The following GAK variants were observed in gnomAD, a reference collection of about 807,000 sequenced individuals.
GAK encodes cyclin G associated kinase, also known as cyclin-G-associated kinase.
GAK carries 79 observed loss-of-function variants against 143.9 expected under a neutral mutation model. The observed-to-expected ratio is 0.55, with a 90% CI of 0.46 to 0.66. The LOEUF is 0.66. Ranked by LOEUF, GAK falls within the 30% of genes least tolerant of loss-of-function variation. The probability of loss-of-function intolerance (pLI) is 0.00; values close to 1 mark genes in which losing one functional copy is unlikely to be tolerated. For synonymous variants in GAK, 881 were observed against 765.5 expected (o/e 1.15, Z -2.49); for missense variants, 1,693 against 1,779.7 (o/e 0.95, Z 0.88).
intron 1 of GAK, among the ~76,000 whole-genome samples, chr4:926,925 G>C (rs781653977): frequency 0.18 from 1,509 of 8,196 alleles, 320 homozygotes; most frequent in Middle Eastern, 0.5. Flanking sequence ...CACCCCTCCC[G>C]GCTCACCAGC....
chr4:898,600 G>A (rs1459601215), intron 5 of GAK, among the ~76,000 whole-genome samples: 7 of 152,228 alleles, frequency 4.6e-5, no homozygotes, highest in African/African-American at 1.2e-4. Context: ...GGTGGCTCAC[G>A]CCTGTAATCC....
At chr4:924,289 G>A (rs1040471685) in intron 1 of GAK, among the ~76,000 whole-genome samples, 5 of 151,754 alleles carry the variant, frequency 3.3e-5, no homozygotes, top group African/African-American at 1.2e-4. Context: ...ATCAAAATGA[G>A]AGACCACAAG....
At chr4:885,582 G>A (rs944907761) in intron 11 of GAK, among the ~76,000 whole-genome samples, 4 of 152,288 alleles carry the variant, frequency 2.6e-5, no homozygotes, top group African/African-American at 7.2e-5. Flanking sequence ...GTGTGTGTGT[G>A]CTAGGGCTGC....
At chr4:918,683 CA>C (rs1723425418) in intron 1 of GAK, among the ~76,000 whole-genome samples, 2 of 152,048 alleles carry the variant, frequency 1.3e-5, no homozygotes, top group South Asian at 4.1e-4. Context: ...ATATTAAACA[CA>C]AAAAAAAGGA....
chr4:856,372 T>TCACCACAGCTGCTCACACCTGCTCAC (rs1749194637), intron 24 of GAK, among the ~76,000 whole-genome samples: 4 of 79,546 alleles, frequency 5.0e-5, no homozygotes, highest in Non-Finnish European at 1.1e-4. Flanking sequence ...CCACAGCTGC[T>TCACCACAGCTGCTCACACCTGCTCAC]CACCACAGCT....
Position 882,906 on chromosome 4 carries a change from C to CG in GAK, c.1405-88dup, listed in dbSNP as rs990598056. The CG allele has an allele frequency of 1.3e-5, 20 of 1,520,256 alleles. No individual in the cohort carries two copies. The African/African-American group carries it at 1.9e-4, about 15-fold the overall frequency. The allele number at this position is 1,520,256 out of a possible 1,614,324, so 94.2% of individuals were successfully genotyped here. ...TAGGAGGGACAGCCTGCCTGCAGTG[C>CG]GGGGGCCTCCGCCAGCTGGTGTCAT... is the stretch of plus-strand genomic sequence containing the variant. On this transcript the variant is annotated intron_variant, in intron 13 of 27. Coordinates refer to ENST00000314167, the MANE Select transcript of GAK (RefSeq NM_005255.4).
chr4:872,122 G>A (rs1409773751), intron 18 of GAK: 2 of 152,228 alleles, frequency 1.3e-5, no homozygotes, highest in Non-Finnish European at 2.9e-5. Context: ...GCCACGGCTG[G>A]TTTTAACTGT....
rs760261939 is a variant in GAK, at chr4:876,516, C to A, written c.2054+14G>T. The A allele has an allele frequency of 1.9e-6, 3 of 1,611,682 alleles. No homozygotes were observed. Among genetic ancestry groups the A allele is most frequent in the Admixed American group, 1.7e-5 (1 of 60,026 alleles). On this transcript the variant is annotated intron_variant, in intron 18 of 27. Coordinates refer to ENST00000314167, the MANE Select transcript of GAK (RefSeq NM_005255.4). ...CCTGTCCCTCCCCACCGAGCACAAG[C>A]GGTACCAACGTACTTGGCAAATTTC...
chr4:925,878 CG>C (rs1724636086), intron 1 of GAK, among the ~76,000 whole-genome samples: 1 of 152,198 alleles, frequency 6.6e-6, no homozygotes, highest in Non-Finnish European at 1.5e-5. Flanking sequence ...GCAGCACAGA[CG>C]GACTGGGACA....
chr4:871,362 G>C (rs1367786832), intron 18 of GAK, among the ~76,000 whole-genome samples: 1 of 152,210 alleles, frequency 6.6e-6, no homozygotes, highest in African/African-American at 2.4e-5. Context: ...TCACTACCCA[G>C]CACACACAGA....
intron 7 of GAK, among the ~76,000 whole-genome samples, chr4:895,365 C>T (rs1718568951): frequency 6.6e-6 from 1 of 152,246 alleles, no homozygotes; most frequent in Non-Finnish European, 1.5e-5. Context: ...CACACCGGGA[C>T]CCCAGGCCGA....
chr4:870,887 C>T lies in GAK; in HGVS notation c.2072G>A (p.Cys691Tyr), dbSNP rs1365947161. The T allele has an allele frequency of 1.2e-6, 2 of 1,613,682 alleles. No homozygotes were observed. The highest frequency in any genetic ancestry group is 2.2e-5 in the South Asian group (2 of 91,008). Residue 691 changes from cysteine (C) to tyrosine (Y), a missense_variant, in exon 19 of 28, where the codon TGT becomes TAT. Cys to Tyr is a radical substitution (Grantham distance 194). Around this residue, in one of 2 missense-constraint regions of GAK, gnomAD observed 871 missense variants for 991.0 expected, o/e 0.88. Coordinates refer to ENST00000314167, the MANE Select transcript of GAK (RefSeq NM_005255.4). Reference sequence around the variant, plus strand: ...ATCCGGGTATTTTTCTTGAATGTCACACGCGTCCAGGTCATACCTGCGGTT... The same window carrying T: ...ATCCGGGTATTTTTCTTGAATGTCATACGCGTCCAGGTCATACCTGCGGTT... ...VKFAKYDLDA[C>Y]DIQEKYPDLF... is the part of the protein sequence containing the mutation.
intron 27 of GAK, 46 bp from the exon 28 acceptor site, chr4:849,820 G>A (rs766811698): frequency 2.0e-6 from 3 of 1,516,034 alleles, no homozygotes; most frequent in Non-Finnish European, 2.7e-6. Flanking sequence ...GCATGCGGGG[G>A]CGGGCGGGGC....
At chr4:876,394 G>C in intron 18 of GAK, 136 bp downstream of exon 18, 1 of 728,898 alleles carries the variant, frequency 1.4e-6, no homozygotes, top group Admixed American at 2.2e-5. Flanking sequence ...GATGGCCCAG[G>C]AACAGGCCCA....
At chr4:861,715 G>C (rs777280875) in intron 23 of GAK, among the ~76,000 whole-genome samples, 2 of 152,210 alleles carry the variant, frequency 1.3e-5, no homozygotes, top group Non-Finnish European at 2.9e-5. Flanking sequence ...CGAATGATAC[G>C]AACACAAACC....
chr4:927,247 A>C (rs74889212), intron 1 of GAK, among the ~76,000 whole-genome samples: 1 of 4,742 alleles, frequency 2.1e-4, no homozygotes, highest in South Asian at 9.3e-3. Context: ...GCACTGCCCC[A>C]CACCCCTCCC....
intron 5 of GAK, among the ~76,000 whole-genome samples, chr4:900,885 G>T (rs964332016): frequency 5.3e-5 from 8 of 152,110 alleles, no homozygotes; most frequent in African/African-American, 1.9e-4. Context: ...TCAGGAGCAG[G>T]CTCCACAGCG....
chr4:903,987 G>A (rs942387713), intron 5 of GAK, among the ~76,000 whole-genome samples: 1 of 152,256 alleles, frequency 6.6e-6, no homozygotes, highest in African/African-American at 2.4e-5. Flanking sequence ...CAACGTTTCT[G>A]GAAGATCCGC....
chr4:856,615 G>GTGCTCACAGCTGCTCACCACAGC (rs1749316845), intron 24 of GAK, among the ~76,000 whole-genome samples: 5 of 109,802 alleles, frequency 4.6e-5, no homozygotes, highest in Admixed American at 2.0e-4. Flanking sequence ...CTCACCACAG[G>GTGCTCACAGCTGCTCACCACAGC]TGCTCACACC....
Sources: gnomAD v4.1 joint callset for allele counts (sites outside exome capture counted in the v4.1 genomes callset) on GRCh38, gnomAD v4.1.1 for gene constraint, gnomAD v4.1.1 regional missense constraint, MANE v1.5 for transcripts, NCBI Gene and HGNC (gene_info 2026-07-23, HGNC 2026-07-21) for gene names.